CREB5: variants seen among roughly 807,000 people sequenced by gnomAD.
The protein encoded by CREB5 is cyclic AMP-responsive element-binding protein 5.
In CREB5, 19 loss-of-function variants were observed where a neutral mutation model predicts 57.1. That is an observed-to-expected ratio of 0.33 (90% CI 0.23 to 0.49). CREB5 has a LOEUF of 0.49. Ranked by LOEUF, CREB5 falls within the 20% of genes least tolerant of loss-of-function variation. CREB5 has a pLI of 0.99. For missense variants in CREB5, 579 were observed against 671.6 expected, an observed-to-expected ratio of 0.86 and a Z score of 1.52; for synonymous variants, 238 against 238.3, an observed-to-expected ratio of 1.00 and a Z score of 0.01.
chr7:28,354,078 G>A (rs964269081), intron 1 of CREB5, among the ~76,000 whole-genome samples: 2 of 152,130 alleles, frequency 1.3e-5, no homozygotes, highest in Admixed American at 6.5e-5. Context: ...ATTTAGGCAC[G>A]ATCCTTCTGC....
chr7:28,794,165 A>C (rs911576853), intron 7 of CREB5, among the ~76,000 whole-genome samples: 2 of 152,184 alleles, frequency 1.3e-5, no homozygotes, highest in African/African-American at 4.8e-5. Context: ...GTTCATCCAA[A>C]ATAAAATAAC....
At chr7:28,614,818 C>T (rs1336633127) in intron 5 of CREB5, among the ~76,000 whole-genome samples, 2 of 152,114 alleles carry the variant, frequency 1.3e-5, no homozygotes, top group Non-Finnish European at 2.9e-5. Flanking sequence ...CTTACAATCA[C>T]GTTTCATCCA....
At chr7:28,537,538 A>T (rs1379269248) in intron 4 of CREB5, among the ~76,000 whole-genome samples, 1 of 152,166 alleles carries the variant, frequency 6.6e-6, no homozygotes, top group Non-Finnish European at 1.5e-5. Context: ...TACTGGATGG[A>T]GTTGAATCAT....
At chr7:28,571,632 G>T (rs573208427) in intron 5 of CREB5, among the ~76,000 whole-genome samples, 1 of 152,258 alleles carries the variant, frequency 6.6e-6, no homozygotes, top group South Asian at 2.1e-4. Flanking sequence ...CTAGCCCCTC[G>T]CAATGTGCCA....
At chr7:28,609,095 C>A (rs2128675569) in intron 5 of CREB5, 1 of 152,292 alleles carries the variant, frequency 6.6e-6, no homozygotes, top group East Asian at 1.9e-4. Flanking sequence ...CTTGCAGATA[C>A]ATTTTTCTAA....
intron 5 of CREB5, among the ~76,000 whole-genome samples, chr7:28,669,338 T>C (rs1799944946): frequency 6.6e-6 from 1 of 152,238 alleles, no homozygotes; most frequent in Non-Finnish European, 1.5e-5. Context: ...AATTGAGAGC[T>C]TGTGTTTTGA....
chr7:28,796,340 C>T (rs952945096), intron 7 of CREB5, among the ~76,000 whole-genome samples: 2 of 152,138 alleles, frequency 1.3e-5, no homozygotes, highest in African/African-American at 2.4e-5. Context: ...TGGGATTCAT[C>T]TATGTTGTAG....
rs10278559 is a variant in CREB5, at chr7:28,551,855, C to G, written c.292-18510C>G. Among the ~76,000 whole-genome samples, 4 of 132,208 alleles carry G rather than the reference C, an allele frequency of 3.0e-5. No homozygotes were observed. The East Asian group carries it at 9.0e-4, about 30-fold the overall frequency. The allele number at this position is 132,208 out of a possible 152,430, so 86.7% of individuals were successfully genotyped here. ...TTTCTTTCTTTCTTTTTCTTTCTTT[C>G]TTTTCTTTCTTTCTTTTTCTTTCTT... On this transcript the variant is annotated intron_variant, in intron 4 of 10. Transcript: ENST00000357727.
At chr7:28,438,879 A>G (rs564174791) in intron 1 of CREB5, among the ~76,000 whole-genome samples, 5 of 152,206 alleles carry the variant, frequency 3.3e-5, no homozygotes, top group Non-Finnish European at 5.9e-5. Context: ...TCCAACAGCA[A>G]GTTTTGAAAT....
chr7:28,515,126 T>C (rs1355675927), intron 4 of CREB5, among the ~76,000 whole-genome samples: 2 of 152,196 alleles, frequency 1.3e-5, no homozygotes, highest in Non-Finnish European at 2.9e-5. Flanking sequence ...GTCCATTAAA[T>C]ATACTATTAA....
At chr7:28,456,260 A>G (rs565184599) in intron 1 of CREB5, among the ~76,000 whole-genome samples, 4 of 152,264 alleles carry the variant, frequency 2.6e-5, no homozygotes, top group Non-Finnish European at 5.9e-5. Flanking sequence ...CAAAGAATCC[A>G]TAAATATTTA....
intron 1 of CREB5, among the ~76,000 whole-genome samples, chr7:28,397,173 G>A (rs1342744472): frequency 1.3e-5 from 2 of 152,196 alleles, no homozygotes; most frequent in African/African-American, 4.8e-5. Context: ...TGAAAAAAAA[G>A]AAGTCCAGAG....
At chr7:28,780,742 G>A (rs1477428529) in intron 7 of CREB5, among the ~76,000 whole-genome samples, 2 of 152,058 alleles carry the variant, frequency 1.3e-5, no homozygotes, top group Middle Eastern at 3.2e-3. Flanking sequence ...CCTGTACTAT[G>A]AGTCTAGTGG....
chr7:28,346,835 C>CAGTGGATCCACCGCA (rs138391533), intron 1 of CREB5, among the ~76,000 whole-genome samples: 2 of 151,948 alleles, frequency 1.3e-5, no homozygotes, highest in African/African-American at 4.8e-5. Context: ...ACATCCACCA[C>CAGTGGATCCACCGCA]AGCTACAACT....
At chr7:28,713,083 C>G (rs891625006) in intron 5 of CREB5, among the ~76,000 whole-genome samples, 1 of 152,092 alleles carries the variant, frequency 6.6e-6, no homozygotes, top group Admixed American at 6.5e-5. Context: ...AATAAAGTCT[C>G]GCTCTGTTGC....
At chr7:28,527,042 T>C (rs1793479335) in intron 4 of CREB5, among the ~76,000 whole-genome samples, 1 of 152,104 alleles carries the variant, frequency 6.6e-6, no homozygotes, top group African/African-American at 2.4e-5. Context: ...ACTTTTCCAT[T>C]GTGTATCTGA....
intron 5 of CREB5, among the ~76,000 whole-genome samples, chr7:28,691,042 T>G (rs144864843): frequency 2.0e-5 from 3 of 152,322 alleles, no homozygotes; most frequent in Non-Finnish European, 4.4e-5. Context: ...TACTGCCCTG[T>G]GGCACTGTGA....
At chr7:28,425,684 G>A (rs768461333) in intron 1 of CREB5, among the ~76,000 whole-genome samples, 1 of 152,126 alleles carries the variant, frequency 6.6e-6, no homozygotes. Flanking sequence ...TGCCAAATAG[G>A]GCATGTTGAT....
At chr7:28,696,743 A>G (rs779068629) in intron 5 of CREB5, among the ~76,000 whole-genome samples, 10 of 147,778 alleles carry the variant, frequency 6.8e-5, no homozygotes, top group Middle Eastern at 3.2e-3. Context: ...ATGTATACAC[A>G]TATACACACA....
Sources: allele counts gnomAD v4.1 joint callset (sites outside exome capture counted in the v4.1 genomes callset), GRCh38; gene constraint gnomAD v4.1.1; transcripts MANE v1.5; gene names NCBI Gene and HGNC (gene_info 2026-07-23, HGNC 2026-07-21).